MMP26: variants seen among roughly 807,000 people sequenced by gnomAD.
The protein encoded by MMP26 is matrix metallopeptidase 26, also known as matrix metalloproteinase-26.
In MMP26, 33 loss-of-function variants were observed where a neutral mutation model predicts 31.0. The observed-to-expected ratio is 1.06, with a 90% confidence interval of 0.81 to 1.42. The LOEUF is 1.42. Ranked by LOEUF, MMP26 falls within the 40% of genes most tolerant of loss-of-function variation. The pLI, the probability that MMP26 is intolerant of heterozygous loss-of-function variation, is 0.00. For missense variants in MMP26, 347 were observed against 316.1 expected, an observed-to-expected ratio of 1.10 and a Z score of -0.74; for synonymous variants, 122 against 114.9, an observed-to-expected ratio of 1.06 and a Z score of -0.40.
In MMP26 at chr11:4,891,725, T is replaced by C. The variant is rs377475906; in HGVS notation, c.-144-96343T>C. On this transcript the variant is annotated intron_variant, in intron 2 of 7. Coordinates refer to ENST00000380390, the MANE Select transcript of MMP26 (RefSeq NM_021801.5). The stretch of plus-strand genomic sequence containing the variant: ...ATGTATGACCAATTCATAATGGTGC[T>C]CTCCATCTTTGAGGATGGGAGGAAA... Among the ~76,000 whole-genome samples the C allele has an allele frequency of 7.2e-5, 11 of 152,176 alleles. No homozygotes were observed. The East Asian group carries it at 7.7e-4, about 11-fold the overall frequency.
chr11:4,725,210 A>T (rs1402998599), intron 1 of MMP26, among the ~76,000 whole-genome samples: 1 of 151,780 alleles, frequency 6.6e-6, no homozygotes, highest in Non-Finnish European at 1.5e-5. Flanking sequence ...ACATAATTAA[A>T]CCTCCTTCTT....
chr11:4,880,279 G>A (rs1382490679), intron 2 of MMP26, among the ~76,000 whole-genome samples: 1 of 152,138 alleles, frequency 6.6e-6, no homozygotes. Context: ...TCCTGCTGAT[G>A]TGACCAGGTA....
At chr11:4,803,070 C>T (rs573178478) in intron 2 of MMP26, among the ~76,000 whole-genome samples, 135 of 152,254 alleles carry the variant, frequency 8.9e-4, no homozygotes, top group Non-Finnish European at 1.3e-3. Flanking sequence ...TTCTAAATTT[C>T]TTTTAAGCAA....
intron 1 of MMP26, among the ~76,000 whole-genome samples, chr11:4,720,304 CT>C (rs911326261): frequency 3.7e-4 from 57 of 152,282 alleles, no homozygotes; most frequent in African/African-American, 1.3e-3. Flanking sequence ...CGTGTTCCTG[CT>C]TTTGGGAAAT....
rs776578658 is a variant in MMP26, at chr11:4,821,428, G to T, written c.-145+54087G>T. 5.6e-6 allele frequency: 9 copies of T among 1,613,804 alleles called. No homozygotes were observed. In the Middle Eastern group the frequency reaches 1.2e-3, roughly 207 times the overall value. ...GTCTTCTCAGTGCTTCCCTATGTCGGTCCTCAATAATACCATTGCTGAGCC... is the reference window on the plus strand; with the variant it reads ...GTCTTCTCAGTGCTTCCCTATGTCGTTCCTCAATAATACCATTGCTGAGCC... On this transcript the variant is annotated intron_variant, in intron 2 of 7. Transcript: ENST00000380390.
chr11:4,710,459 G>A (rs1847847028), intron 1 of MMP26: 2 of 450,010 alleles, frequency 4.4e-6, no homozygotes, highest in Non-Finnish European at 9.0e-6. Flanking sequence ...ACAGTGTAAA[G>A]ACCAAGTAAA....
chr11:4,757,022 T>C (rs776771687), intron 1 of MMP26, among the ~76,000 whole-genome samples: 6 of 152,062 alleles, frequency 3.9e-5, no homozygotes, highest in Non-Finnish European at 8.8e-5. Flanking sequence ...CATTCTATAA[T>C]TTATACGGAA....
intron 2 of MMP26, among the ~76,000 whole-genome samples, chr11:4,813,801 G>A (rs1849383169): frequency 6.6e-6 from 1 of 151,686 alleles, no homozygotes; most frequent in African/African-American, 2.4e-5. Context: ...TATAAAAGAA[G>A]ATCAACAATT....
At chr11:4,733,593 C>T (rs115704178) in intron 1 of MMP26, among the ~76,000 whole-genome samples, 3,152 of 152,050 alleles carry the variant, frequency 0.021, 116 homozygotes, top group African/African-American at 0.072. Flanking sequence ...GTAGAAAATT[C>T]TTAGAATTTT....
chr11:4,858,020 C>G (rs1850082486), intron 2 of MMP26, among the ~76,000 whole-genome samples: 1 of 152,116 alleles, frequency 6.6e-6, no homozygotes, highest in African/African-American at 2.4e-5. Flanking sequence ...CGACAAAATT[C>G]AACAGCCCTT....
chr11:4,990,643 C>G lies in MMP26; in HGVS notation c.366C>G (p.Asp122Glu). The change falls in exon 5 of 8, where the codon GAC becomes GAG. Residue 122 changes from aspartate to glutamate, a missense_variant. Asp to Glu is a conservative substitution (Grantham distance 45). Coordinates refer to ENST00000380390, the MANE Select transcript of MMP26 (RefSeq NM_021801.5). ...ATATGAAGCCATCCGCAGTGAAAGA[C>G]AGTATATATAATGCAGTTTCCATCT... is the stretch of plus-strand genomic sequence containing the variant. ...PHDMKPSAVK[D>E]SIYNAVSIWS... 6.2e-7 allele frequency: 1 copy of G among 1,613,990 alleles called. No homozygotes were observed. The highest frequency in any genetic ancestry group is 8.5e-7 in the Non-Finnish European group (1 of 1,179,942).
intron 1 of MMP26, among the ~76,000 whole-genome samples, chr11:4,721,272 G>A (rs960152232): frequency 4.6e-5 from 7 of 152,168 alleles, no homozygotes; most frequent in African/African-American, 1.7e-4. Flanking sequence ...CTGGACTGCT[G>A]TTAATAACAG....
chr11:4,769,817 CAG>C, intron 2 of MMP26: 2 of 1,613,034 alleles, frequency 1.2e-6, no homozygotes, highest in Non-Finnish European at 1.7e-6. Context: ...ATAAAAACAA[CAG>C]AAAGGAATGG....
chr11:4,856,604 C>T (rs2133506006), intron 2 of MMP26, among the ~76,000 whole-genome samples: 1 of 152,260 alleles, frequency 6.6e-6, no homozygotes, highest in South Asian at 2.1e-4. Flanking sequence ...GAGACTTAGA[C>T]TCCCACACAA....
intron 2 of MMP26, among the ~76,000 whole-genome samples, chr11:4,983,830 C>G (rs781381520): frequency 1.3e-5 from 2 of 152,160 alleles, no homozygotes; most frequent in African/African-American, 2.4e-5. Flanking sequence ...CACCTAGGAT[C>G]TTGTTAGAAA....
chr11:4,852,830 G>A (rs528064934), intron 2 of MMP26, among the ~76,000 whole-genome samples: 10 of 152,188 alleles, frequency 6.6e-5, no homozygotes, highest in South Asian at 4.1e-4. Context: ...ATTGATGTAC[G>A]AAGAGGTTAA....
intron 2 of MMP26, chr11:4,914,737 C>G (rs142193749): frequency 3.0e-5 from 48 of 1,611,160 alleles, no homozygotes; most frequent in Non-Finnish European, 3.9e-5. Context: ...AAAAGGCATG[C>G]GTCACTCGAT....
chr11:4,860,390 C>G (rs1400957206), intron 2 of MMP26: 1 of 471,060 alleles, frequency 2.1e-6, no homozygotes, highest in Admixed American at 2.3e-5. Flanking sequence ...TACGTGGGCT[C>G]ATGGAGACTT....
chr11:4,954,488 T>G lies in MMP26; in HGVS notation c.-144-33580T>G, dbSNP rs58986935. 2.1e-3 allele frequency among the ~76,000 whole-genome samples: 227 copies of G among 107,848 alleles called. 37 individuals are homozygous for G. Among genetic ancestry groups the G allele is most frequent in the African/African-American group, 6.0e-3 (206 of 34,504 alleles). The allele number at this position is 107,848 out of a possible 152,430, so 70.8% of individuals were successfully genotyped here. ...CGAGGAATCCAACTTCTGTCAGAAC[T>G]GTAAAAATTATCGTTTTTCTGTCTT... On this transcript the variant is annotated intron_variant, in intron 2 of 7. Coordinates refer to ENST00000380390, the MANE Select transcript of MMP26 (RefSeq NM_021801.5).
Sources: gnomAD v4.1 joint callset for allele counts (sites outside exome capture counted in the v4.1 genomes callset) on GRCh38, gnomAD v4.1.1 for gene constraint, MANE v1.5 for transcripts, NCBI Gene and HGNC (gene_info 2026-07-23, HGNC 2026-07-21) for gene names.